UNC5D: variants seen among roughly 807,000 people sequenced by gnomAD.
UNC5D encodes the protein unc-5 netrin receptor D.
In UNC5D, 39 loss-of-function variants were observed where a neutral mutation model predicts 105.4. The observed-to-expected ratio is 0.37, with a 90% confidence interval of 0.29 to 0.48. The LOEUF (loss-of-function observed/expected upper bound fraction) is 0.48, where lower values mean the gene tolerates loss of function less well. UNC5D is among the 20% of genes least tolerant of loss of function. The pLI is 0.98. For synonymous variants in UNC5D, 452 were observed against 450.4 expected, an observed-to-expected ratio of 1.00 and a Z score of -0.04; for missense variants, 991 against 1,202.4, an observed-to-expected ratio of 0.82 and a Z score of 2.60.
At chr8:35,424,458 TG>T (rs1313914396) in intron 1 of UNC5D, among the ~76,000 whole-genome samples, 6 of 152,346 alleles carry the variant, frequency 3.9e-5, no homozygotes, top group African/African-American at 1.2e-4. Flanking sequence ...CAGTCACCCA[TG>T]TGGCTGGTGC....
intron 4 of UNC5D, among the ~76,000 whole-genome samples, chr8:35,619,331 G>A (rs1033006869): frequency 2.0e-5 from 3 of 152,186 alleles, no homozygotes; most frequent in East Asian, 1.9e-4. Context: ...AGCAAGATCG[G>A]CATGGTCAAA....
intron 1 of UNC5D, among the ~76,000 whole-genome samples, chr8:35,325,108 C>A (rs1266960024): frequency 6.6e-6 from 1 of 151,942 alleles, no homozygotes; most frequent in Non-Finnish European, 1.5e-5. Flanking sequence ...AATGGGAGAC[C>A]CTTGGAATCA....
At chr8:35,249,559 AAAT>A (rs148177480) in intron 1 of UNC5D, among the ~76,000 whole-genome samples, 6,655 of 142,538 alleles carry the variant, frequency 0.047, 207 homozygotes, top group Non-Finnish European at 0.069. Context: ...CTCTGTCTCA[AAAT>A]AATAATAATA....
intron 1 of UNC5D, among the ~76,000 whole-genome samples, chr8:35,361,423 A>G (rs759112724): frequency 6.6e-6 from 1 of 152,176 alleles, no homozygotes; most frequent in Non-Finnish European, 1.5e-5. Context: ...AAGACTGTGT[A>G]ACCTCCATGA....
At chr8:35,399,145 C>CAA (rs1029547730) in intron 1 of UNC5D, among the ~76,000 whole-genome samples, 117 of 54,326 alleles carry the variant, frequency 2.2e-3, no homozygotes, top group African/African-American at 5.8e-3. Flanking sequence ...ACTCCATCTC[C>CAA]AAAAAAAAAA....
chr8:35,479,452 A>G (rs1421305495), intron 1 of UNC5D, among the ~76,000 whole-genome samples: 1 of 152,190 alleles, frequency 6.6e-6, no homozygotes, highest in East Asian at 1.9e-4. Context: ...TATATACCCA[A>G]AGGAAAATAG....
At chr8:35,789,312 T>C (rs1432007913) in intron 16 of UNC5D, among the ~76,000 whole-genome samples, 1 of 150,018 alleles carries the variant, frequency 6.7e-6, no homozygotes, top group Non-Finnish European at 1.5e-5. Flanking sequence ...GGAACTAGAA[T>C]GCAGAGTATA....
At chr8:35,752,956 A>G (rs1243522104) in intron 13 of UNC5D, among the ~76,000 whole-genome samples, 1 of 152,190 alleles carries the variant, frequency 6.6e-6, no homozygotes, top group East Asian at 1.9e-4. Context: ...GTCAGCCCTC[A>G]TAACCAGTCT....
chr8:35,774,211 G>A, intron 15 of UNC5D, 88 bp from the exon 16 acceptor site: 1 of 1,504,498 alleles, frequency 6.6e-7, no homozygotes, highest in Admixed American at 1.8e-5. Flanking sequence ...GTGCATGTGT[G>A]TTAACCCAGA....
chr8:35,253,339 A>G (rs757981874), intron 1 of UNC5D, among the ~76,000 whole-genome samples: 12 of 152,084 alleles, frequency 7.9e-5, no homozygotes, highest in Non-Finnish European at 1.6e-4. Context: ...AATTCTTCTT[A>G]AATTTCATTG....
At chr8:35,381,142 T>C (rs1803021761) in intron 1 of UNC5D, among the ~76,000 whole-genome samples, 1 of 152,124 alleles carries the variant, frequency 6.6e-6, no homozygotes, top group Non-Finnish European at 1.5e-5. Context: ...GGCAGTCAAA[T>C]TGGTATGATA....
chr8:35,339,386 T>C (rs1211273875), intron 1 of UNC5D, among the ~76,000 whole-genome samples: 1 of 152,238 alleles, frequency 6.6e-6, no homozygotes, highest in Non-Finnish European at 1.5e-5. Context: ...TGGTGGCATA[T>C]CCAGTAAAAT....
intron 1 of UNC5D, among the ~76,000 whole-genome samples, chr8:35,371,164 G>A (rs981651585): frequency 1.4e-5 from 2 of 144,096 alleles, no homozygotes; most frequent in Non-Finnish European, 3.0e-5. Flanking sequence ...AGTGAGCTAT[G>A]ATTGTGCCAC....
intron 4 of UNC5D, among the ~76,000 whole-genome samples, chr8:35,612,713 A>C (rs896186239): frequency 7.6e-6 from 1 of 130,916 alleles, no homozygotes; most frequent in Admixed American, 7.7e-5. Flanking sequence ...GAAACTGCTA[A>C]ATGTTTTGCC....
chr8:35,317,574 A>C (rs1809400251), intron 1 of UNC5D, among the ~76,000 whole-genome samples: 1 of 152,120 alleles, frequency 6.6e-6, no homozygotes, highest in Non-Finnish European at 1.5e-5. Flanking sequence ...CAGAACGCCC[A>C]TCAATTTTAC....
At chr8:35,398,133 A>G (rs1425698165) in intron 1 of UNC5D, among the ~76,000 whole-genome samples, 2 of 152,202 alleles carry the variant, frequency 1.3e-5, no homozygotes, top group Admixed American at 1.3e-4. Context: ...AAGATAGAGA[A>G]TCACATAATT....
intron 1 of UNC5D, among the ~76,000 whole-genome samples, chr8:35,455,010 C>T (rs886693863): frequency 2.6e-5 from 4 of 152,032 alleles, no homozygotes; most frequent in African/African-American, 9.7e-5. Context: ...CATAATAAGG[C>T]TTACTTCTTT....
At chr8:35,290,434 T>C (rs939843292) in intron 1 of UNC5D, among the ~76,000 whole-genome samples, 5 of 150,468 alleles carry the variant, frequency 3.3e-5, no homozygotes, top group African/African-American at 1.2e-4. Flanking sequence ...TTTGAACTCA[T>C]AGAATTAGAG....
chr8:35,745,570 A>G (rs1380226191), intron 11 of UNC5D, among the ~76,000 whole-genome samples: 2 of 152,230 alleles, frequency 1.3e-5, no homozygotes, highest in Non-Finnish European at 2.9e-5. Flanking sequence ...AATTGCATGA[A>G]TTAGTCATCT....
Sources: gnomAD v4.1 joint callset for allele counts (sites outside exome capture counted in the v4.1 genomes callset) on GRCh38, gnomAD v4.1.1 for gene constraint, MANE v1.5 for transcripts, NCBI Gene and HGNC (gene_info 2026-07-23, HGNC 2026-07-21) for gene names.